Variants in ASB7 observed in about 807,000 individuals in gnomAD.
ASB7 encodes the protein ankyrin repeat and SOCS box protein 7.
A neutral mutation model predicts 32.5 loss-of-function variants in ASB7; 4 were observed. The ratio of observed to expected loss-of-function variants is 0.12; its 90% confidence interval spans 0.06 to 0.28. The LOEUF (loss-of-function observed/expected upper bound fraction) is 0.28. Among genes scored for constraint, ASB7 ranks in the 10% least tolerant of loss-of-function variants. ASB7 has a pLI of 1.00. For synonymous variants in ASB7, 172 were observed against 155.6 expected (o/e 1.11, Z -0.78); for missense variants, 181 against 407.1 (o/e 0.44, Z 4.78).
chr15:100,604,710 G>A (rs561078786), intron 2 of ASB7, among the ~76,000 whole-genome samples: 1 of 152,296 alleles, frequency 6.6e-6, no homozygotes, highest in Non-Finnish European at 1.5e-5. Flanking sequence ...GTTCCCTGTT[G>A]AAAACTTAGG....
intron 4 of ASB7, among the ~76,000 whole-genome samples, chr15:100,625,220 A>G (rs943948965): frequency 4.6e-5 from 7 of 152,166 alleles, no homozygotes; most frequent in African/African-American, 1.4e-4. Context: ...ATCCTACTGT[A>G]TGTTCTAACC....
chr15:100,639,662 A>G (rs2039947780), intron 5 of ASB7, among the ~76,000 whole-genome samples: 2 of 152,332 alleles, frequency 1.3e-5, no homozygotes, highest in South Asian at 2.1e-4. Flanking sequence ...CATTTTAACC[A>G]GGGGCATTTT....
At chr15:100,633,209 C>CAAA (rs990373413) in intron 5 of ASB7, among the ~76,000 whole-genome samples, 1 of 91,018 alleles carries the variant, frequency 1.1e-5, no homozygotes, top group Admixed American at 1.2e-4. Flanking sequence ...TACTTGTAGC[C>CAAA]AAAAAAAAAA....
intron 5 of ASB7, chr15:100,646,250 C>T (rs2039996141): frequency 2.5e-6 from 1 of 398,952 alleles, no homozygotes; most frequent in Admixed American, 2.9e-5. Context: ...ATGTGTCCCA[C>T]AATTGTCAAT....
intron 4 of ASB7, among the ~76,000 whole-genome samples, chr15:100,626,604 A>C (rs896820854): frequency 6.6e-6 from 1 of 151,584 alleles, no homozygotes; most frequent in Non-Finnish European, 1.5e-5. Context: ...AGATGAAAAC[A>C]CTCTGTCCCC....
intron 4 of ASB7, among the ~76,000 whole-genome samples, chr15:100,628,930 A>G (rs1354747921): frequency 1.3e-5 from 2 of 152,246 alleles, no homozygotes; most frequent in African/African-American, 4.8e-5. Flanking sequence ...CAGACCACAG[A>G]AAAACTTTTT....
At position 100,624,353 on chromosome 15, in the gene ASB7, A is replaced by G. The variant is rs1037302039; in HGVS notation, c.212-5084A>G. On this transcript the variant is annotated intron_variant, in intron 4 of 5. Coordinates refer to ENST00000332783, the MANE Select transcript of ASB7 (RefSeq NM_198243.3). ...TGATAAATGCTCAAGGTGATGATGG[A>G]TAACGCAGATACCCTGACTTGATCG... is the stretch of plus-strand genomic sequence containing the variant. Among the ~76,000 whole-genome samples, 12 of 152,354 alleles carry G rather than the reference A, an allele frequency of 7.9e-5. No individual in the cohort carries two copies. In the South Asian group the frequency reaches 2.5e-3, roughly 32 times the overall value.
chr15:100,630,234 T>G, intron 5 of ASB7, 192 bp downstream of exon 5: 1 of 1,285,988 alleles, frequency 7.8e-7, no homozygotes, highest in Non-Finnish European at 1.0e-6. Context: ...AAAAATTCAA[T>G]TGTGTTTCTA....
chr15:100,633,129 G>A (rs540484732), intron 5 of ASB7, among the ~76,000 whole-genome samples: 6 of 151,326 alleles, frequency 4.0e-5, no homozygotes, highest in Admixed American at 6.6e-5. Context: ...AATAATGAGC[G>A]CCACCTGTGG....
chr15:100,607,705 C>G (rs547552168), intron 2 of ASB7, among the ~76,000 whole-genome samples: 8 of 152,170 alleles, frequency 5.3e-5, no homozygotes, highest in Non-Finnish European at 1.2e-4. Context: ...TGGAATACCA[C>G]CTGGAGGTGC....
At chr15:100,640,419 A>G (rs1010537340) in intron 5 of ASB7, among the ~76,000 whole-genome samples, 2 of 152,218 alleles carry the variant, frequency 1.3e-5, no homozygotes, top group Non-Finnish European at 2.9e-5. Context: ...TGCTGTGATT[A>G]TAGGCGGGAG....
rs1393087199 is a variant in ASB7 at position 100,651,589 on chromosome 15, T to A, written c.*3127T>A. On this transcript the variant is annotated 3_prime_UTR_variant, in exon 6 of 6. Coordinates refer to ENST00000332783, the MANE Select transcript of ASB7 (RefSeq NM_198243.3). ...GGATAAGGCCATTTGCCCACAAATT[T>A]AGCTTTCATGTAACTCCTAGTGTGT... The A allele has an allele frequency of 6.6e-6, 1 of 152,242 alleles. No individual in the cohort carries two copies. The allele number at this position is 152,242 out of a possible 1,614,324, so 9.4% of individuals were successfully genotyped here.
chr15:100,643,295 C>T (rs1436731081), intron 5 of ASB7, among the ~76,000 whole-genome samples: 1 of 151,930 alleles, frequency 6.6e-6, no homozygotes, highest in African/African-American at 2.4e-5. Context: ...CATAGGCCCA[C>T]CCAGTTTCAA....
chr15:100,641,198 C>A (rs2039959455), intron 5 of ASB7, among the ~76,000 whole-genome samples: 1 of 152,168 alleles, frequency 6.6e-6, no homozygotes, highest in Non-Finnish European at 1.5e-5. Flanking sequence ...TCTTCTTCTG[C>A]CACTGCCCTT....
At chr15:100,647,338 T>C (rs1241467639) in intron 5 of ASB7, among the ~76,000 whole-genome samples, 1 of 152,226 alleles carries the variant, frequency 6.6e-6, no homozygotes, top group Non-Finnish European at 1.5e-5. Context: ...ATCAAAGTAC[T>C]TCCCTCGTAA....
intron 3 of ASB7, among the ~76,000 whole-genome samples, chr15:100,610,157 T>G (rs915450802): frequency 6.6e-6 from 1 of 152,186 alleles, no homozygotes; most frequent in South Asian, 2.1e-4. Context: ...TTAAAATTTC[T>G]AAGAAGGGAC....
At position 100,651,084 on chromosome 15, in the gene ASB7, A is replaced by G. The variant is rs2040028821; in HGVS notation, c.*2622A>G. The G allele has an allele frequency of 6.6e-6, 1 of 152,212 alleles. No individual in the cohort carries two copies. The highest frequency in any genetic ancestry group is 1.5e-5 in the Non-Finnish European group (1 of 68,044). 9.4% of individuals were successfully genotyped at this position (152,212 alleles called of 1,614,324 possible). A position where few individuals can be genotyped will look rare whatever the true frequency, so the allele number is the denominator to read the frequency against. ...CCTTTGAAATTTATTATTTAAGCCT[A>G]TTACTAAACCTTTATAAAAATATAT... On this transcript the variant is annotated 3_prime_UTR_variant, in exon 6 of 6. Transcript: ENST00000332783.
chr15:100,625,897 C>T (rs2039833009), intron 4 of ASB7, among the ~76,000 whole-genome samples: 1 of 152,136 alleles, frequency 6.6e-6, no homozygotes, highest in Admixed American at 6.5e-5. Context: ...TCAGCAGTGA[C>T]ACTAGGGTAA....
intron 4 of ASB7, among the ~76,000 whole-genome samples, chr15:100,621,862 G>GAA (rs149318872): frequency 2.5e-5 from 3 of 121,556 alleles, no homozygotes; most frequent in African/African-American, 2.7e-5. Context: ...CTAGAATGGT[G>GAA]AAAAAAAGAA....
Sources: gnomAD v4.1 joint callset for allele counts (sites outside exome capture counted in the v4.1 genomes callset) on GRCh38, gnomAD v4.1.1 for gene constraint, MANE v1.5 for transcripts, NCBI Gene and HGNC (gene_info 2026-07-23, HGNC 2026-07-21) for gene names.